The following IQCJ variants were observed in gnomAD, a reference collection of about 807,000 sequenced individuals.
IQCJ encodes IQ motif containing J, also known as IQ domain-containing protein J.
In IQCJ, 9 loss-of-function variants were observed where a neutral mutation model predicts 11.0. The observed-to-expected ratio is 0.82, with a 90% CI of 0.49 to 1.43. The LOEUF (loss-of-function observed/expected upper bound fraction) is 1.43. IQCJ is among the 40% of genes most tolerant of loss of function. The pLI is 0.00. For missense variants in IQCJ, 146 were observed against 133.2 expected (o/e 1.10, Z -0.47); for synonymous variants, 55 against 51.3 (o/e 1.07, Z -0.31).
At chr3:159,111,174 C>A (rs956756131) in intron 1 of IQCJ, among the ~76,000 whole-genome samples, 3 of 152,108 alleles carry the variant, frequency 2.0e-5, no homozygotes, top group African/African-American at 7.2e-5. Flanking sequence ...TAGAACAAAA[C>A]CTTTATGAAT....
intron 1 of IQCJ, among the ~76,000 whole-genome samples, chr3:159,171,863 GACCT>G (rs1722501193): frequency 6.6e-6 from 1 of 152,170 alleles, no homozygotes. Context: ...ATTGACCAGA[GACCT>G]TGCACTTCTA....
intron 3 of IQCJ, among the ~76,000 whole-genome samples, chr3:159,258,675 A>C (rs193232205): frequency 2.2e-4 from 33 of 152,268 alleles, no homozygotes; most frequent in African/African-American, 7.2e-4. Flanking sequence ...TTGAGTTATA[A>C]TGTATTTTGA....
intron 1 of IQCJ, among the ~76,000 whole-genome samples, chr3:159,222,824 A>G (rs1304309753): frequency 6.6e-6 from 1 of 152,134 alleles, no homozygotes; most frequent in Non-Finnish European, 1.5e-5. Flanking sequence ...AATACAATAA[A>G]AAATTTTCTA....
At chr3:159,222,179 C>T (rs13326945) in intron 1 of IQCJ, among the ~76,000 whole-genome samples, 19,870 of 152,106 alleles carry the variant, frequency 0.13, 1,472 homozygotes, top group South Asian at 0.17. Context: ...ATCAGTGCCT[C>T]AAAGACATCT....
Position 159,069,358 on chromosome 3 carries a change from G to A in IQCJ, c.-75G>A. 2 of 1,558,898 alleles carry A rather than the reference G, an allele frequency of 1.3e-6. No homozygotes were observed. Among genetic ancestry groups the A allele is most frequent in the Non-Finnish European group, 1.7e-6 (2 of 1,155,442 alleles). ...TTCCCCCACAGTCACATTGCGCTCT[G>A]TGATTCTGAGGAATACAGTGTGCCA... is the stretch of plus-strand genomic sequence containing the variant. On this transcript the variant is annotated 5_prime_UTR_variant, in exon 1 of 4. It adds an upstream start codon to the 5' untranslated region. Coordinates refer to ENST00000397832, the MANE Select transcript of IQCJ (RefSeq NM_001042706.3).
At chr3:159,154,734 G>T (rs966024016) in intron 1 of IQCJ, among the ~76,000 whole-genome samples, 1 of 152,142 alleles carries the variant, frequency 6.6e-6, no homozygotes, top group Non-Finnish European at 1.5e-5. Context: ...TCTCTCTGAG[G>T]TTACTGTGAA....
chr3:159,218,645 A>G (rs572328838), intron 1 of IQCJ, among the ~76,000 whole-genome samples: 3 of 152,244 alleles, frequency 2.0e-5, no homozygotes, highest in African/African-American at 7.2e-5. Flanking sequence ...AGGTTGAAGA[A>G]GTGTTTATAT....
At chr3:159,145,391 A>G (rs1362422400) in intron 1 of IQCJ, among the ~76,000 whole-genome samples, 1 of 152,232 alleles carries the variant, frequency 6.6e-6, no homozygotes, top group Non-Finnish European at 1.5e-5. Flanking sequence ...TAGTGATCAC[A>G]AACAATCTAT....
At chr3:159,147,300 A>G (rs1226181777) in intron 1 of IQCJ, among the ~76,000 whole-genome samples, 1 of 152,254 alleles carries the variant, frequency 6.6e-6, no homozygotes. Flanking sequence ...CATAAAGACT[A>G]TCATTTTCAG....
intron 1 of IQCJ, among the ~76,000 whole-genome samples, chr3:159,160,121 T>G (rs747987748): frequency 6.6e-6 from 1 of 152,178 alleles, no homozygotes; most frequent in Non-Finnish European, 1.5e-5. Context: ...CTAACTCTTC[T>G]GTATTTTCTA....
chr3:159,148,352 T>G (rs1721025910), intron 1 of IQCJ, among the ~76,000 whole-genome samples: 1 of 152,238 alleles, frequency 6.6e-6, no homozygotes, highest in South Asian at 2.1e-4. Context: ...TTATCTTATG[T>G]GAACTATTTT....
At chr3:159,073,188 A>G (rs60573198) in intron 1 of IQCJ, among the ~76,000 whole-genome samples, 5 of 152,210 alleles carry the variant, frequency 3.3e-5, no homozygotes, top group South Asian at 4.1e-4. Context: ...GCTATGCTCA[A>G]TCACTGGCTG....
At chr3:159,235,823 A>G (rs1726549304) in intron 1 of IQCJ, among the ~76,000 whole-genome samples, 1 of 152,218 alleles carries the variant, frequency 6.6e-6, no homozygotes, top group South Asian at 2.1e-4. Flanking sequence ...TGGTCAAACA[A>G]GAACAATGAG....
At chr3:159,161,431 C>T (rs1015258654) in intron 1 of IQCJ, among the ~76,000 whole-genome samples, 3 of 152,074 alleles carry the variant, frequency 2.0e-5, no homozygotes, top group African/African-American at 7.2e-5. Flanking sequence ...TGGATATTAG[C>T]CCTTTGTCAG....
At chr3:159,191,655 G>A (rs1179981361) in intron 1 of IQCJ, among the ~76,000 whole-genome samples, 4 of 152,156 alleles carry the variant, frequency 2.6e-5, no homozygotes, top group African/African-American at 9.7e-5. Flanking sequence ...TAACACTGCA[G>A]CTTTATCTCT....
chr3:159,247,389 C>T lies in IQCJ; in HGVS notation c.74+1482C>T, dbSNP rs377243947. 6.6e-5 allele frequency among the ~76,000 whole-genome samples: 10 copies of T among 152,148 alleles called. No individual in the cohort carries two copies. The East Asian group carries it at 1.2e-3, about 18-fold the overall frequency. On this transcript the variant is annotated intron_variant, in intron 2 of 3. Coordinates refer to ENST00000397832, the MANE Select transcript of IQCJ (RefSeq NM_001042706.3). Reference sequence around the variant, plus strand: ...GGATTACAGGTGTGAGCCACCGCGCCGGTCTATTTACTCAGGGTTCTATGT... The same window carrying T: ...GGATTACAGGTGTGAGCCACCGCGCTGGTCTATTTACTCAGGGTTCTATGT...
At chr3:159,203,780 A>C (rs1439741467) in intron 1 of IQCJ, among the ~76,000 whole-genome samples, 1 of 151,926 alleles carries the variant, frequency 6.6e-6, no homozygotes, top group Non-Finnish European at 1.5e-5. Flanking sequence ...CCACTTTCCA[A>C]GTGGGTGTAA....
At chr3:159,117,706 G>A (rs1402179842) in intron 1 of IQCJ, among the ~76,000 whole-genome samples, 3 of 152,182 alleles carry the variant, frequency 2.0e-5, no homozygotes, top group South Asian at 2.1e-4. Flanking sequence ...GTTGTTGAGT[G>A]TCTTCTATGT....
At chr3:159,210,618 A>G (rs1308106874) in intron 1 of IQCJ, among the ~76,000 whole-genome samples, 2 of 152,182 alleles carry the variant, frequency 1.3e-5, no homozygotes, top group African/African-American at 4.8e-5. Flanking sequence ...AAATAGCTTC[A>G]GTTACTTCAG....
Sources: gnomAD v4.1 joint callset for allele counts (sites outside exome capture counted in the v4.1 genomes callset) on GRCh38, gnomAD v4.1.1 for gene constraint, MANE v1.5 for transcripts, NCBI Gene and HGNC (gene_info 2026-07-23, HGNC 2026-07-21) for gene names.